Variants in MBP observed in about 807,000 individuals in gnomAD.
The protein encoded by MBP is Golli-MBP.
A neutral mutation model predicts 35.8 loss-of-function variants in MBP; 16 were observed. The observed-to-expected ratio is 0.45, with a 90% confidence interval of 0.30 to 0.68. The LOEUF (loss-of-function observed/expected upper bound fraction) is 0.68, where lower values mean the gene tolerates loss of function less well. Ranked by LOEUF, MBP falls within the 30% of genes least tolerant of loss-of-function variation. The pLI, the probability that MBP is intolerant of heterozygous loss-of-function variation, is 0.08. For synonymous variants in MBP, 143 were observed against 159.6 expected, an observed-to-expected ratio of 0.90 and a Z score of 0.78; for missense variants, 380 against 404.7, an observed-to-expected ratio of 0.94 and a Z score of 0.52.
intron 3 of MBP, 137 bp downstream of exon 3, chr18:77,066,161 C>T: frequency 1.5e-6 from 1 of 659,778 alleles, no homozygotes; most frequent in Non-Finnish European, 2.7e-6. Flanking sequence ...TGATCCCAGC[C>T]TCTATGTTTT....
chr18:77,055,642 C>T (rs1240808198), intron 3 of MBP, among the ~76,000 whole-genome samples: 3 of 151,078 alleles, frequency 2.0e-5, no homozygotes, highest in Admixed American at 6.6e-5. Context: ...CTTTTCACAT[C>T]TGCTGGTGGG....
At chr18:77,028,796 G>T (rs1276071371) in intron 3 of MBP, among the ~76,000 whole-genome samples, 1 of 91,646 alleles carries the variant, frequency 1.1e-5, no homozygotes, top group Non-Finnish European at 2.8e-5. Context: ...TGGGCGGAGG[G>T]ACTCCTGACT....
intron 3 of MBP, among the ~76,000 whole-genome samples, chr18:77,056,319 C>T (rs1973718793): frequency 6.6e-6 from 1 of 152,226 alleles, no homozygotes; most frequent in South Asian, 2.1e-4. Context: ...AAACCTTGAA[C>T]AGGTTTTGTA....
intron 2 of MBP, among the ~76,000 whole-genome samples, chr18:77,095,907 CA>C (rs1286552558): frequency 2.0e-5 from 3 of 152,222 alleles, no homozygotes; most frequent in African/African-American, 7.2e-5. Flanking sequence ...TCAGCAAAAA[CA>C]AAGTTTACGC....
At chr18:77,097,632 G>A (rs911970865) in intron 2 of MBP, among the ~76,000 whole-genome samples, 7 of 152,178 alleles carry the variant, frequency 4.6e-5, no homozygotes, top group South Asian at 2.1e-4. Flanking sequence ...CTCACCCAGC[G>A]GGCATCCTCT....
chr18:77,028,579 G>A (rs1444966295), intron 3 of MBP, among the ~76,000 whole-genome samples: 2 of 85,850 alleles, frequency 2.3e-5, no homozygotes, highest in Non-Finnish European at 6.1e-5. Context: ...GGGCAGAGGC[G>A]CCCCTCACCT....
At chr18:77,051,454 G>A (rs949682360) in intron 3 of MBP, among the ~76,000 whole-genome samples, 1 of 152,190 alleles carries the variant, frequency 6.6e-6, no homozygotes, top group Admixed American at 6.5e-5. Context: ...AGGAGAGACT[G>A]CCCGACAGAG....
At chr18:77,111,769 T>A (rs888552993) in intron 1 of MBP, among the ~76,000 whole-genome samples, 3 of 152,060 alleles carry the variant, frequency 2.0e-5, no homozygotes, top group Admixed American at 6.5e-5. Flanking sequence ...AAACAGCCCC[T>A]CACCCCTAGA....
intron 1 of MBP, among the ~76,000 whole-genome samples, chr18:77,105,586 T>C (rs1310629323): frequency 6.6e-6 from 1 of 152,212 alleles, no homozygotes; most frequent in African/African-American, 2.4e-5. Context: ...GAAATATCTA[T>C]CTATTCATCC....
chr18:77,007,030 T>C (rs909738399), intron 4 of MBP, among the ~76,000 whole-genome samples: 10 of 152,196 alleles, frequency 6.6e-5, no homozygotes, highest in Non-Finnish European at 1.5e-4. Context: ...AGGGAGTTCT[T>C]GGTTCCGACT....
At chr18:76,983,396 G>C (rs9964017) in intron 8 of MBP, 7,960 of 152,392 alleles carry the variant, frequency 0.052, 678 homozygotes, top group African/African-American at 0.18. Flanking sequence ...GGCAGGTGAC[G>C]TGCTGGCCAG....
intron 3 of MBP, among the ~76,000 whole-genome samples, chr18:77,053,946 G>A (rs927641937): frequency 2.6e-5 from 4 of 152,246 alleles, no homozygotes; most frequent in Non-Finnish European, 5.9e-5. Context: ...TGACAGAGGT[G>A]ACTGTACTGC....
chr18:77,085,753 C>G (rs540837208), intron 2 of MBP, among the ~76,000 whole-genome samples: 1 of 139,474 alleles, frequency 7.2e-6, no homozygotes, highest in Non-Finnish European at 1.5e-5. Flanking sequence ...GGCGCAATTT[C>G]GGCTCACCGC....
rs907050937 is a variant in MBP, at chr18:77,131,846, G to A, written c.-26+734C>T. Among the ~76,000 whole-genome samples the A allele has an allele frequency of 1.3e-5, 2 of 152,020 alleles. No individual in the cohort carries two copies. The highest frequency in any genetic ancestry group is 2.4e-5 in the African/African-American group (1 of 41,432). On this transcript the variant is annotated intron_variant, in intron 1 of 8. Transcript: ENST00000355994. This position sits in a 1 kb window ranked among gnomAD's most constrained non-coding sequence, Gnocchi z 5.5. ...GCCGGGAAGACCCGGGCGGGCCGGC[G>A]GGCGGCTGCGGGCGGCGCACGTGGG...
chr18:76,983,772 G>C (rs1232013257), intron 8 of MBP: 1 of 152,304 alleles, frequency 6.6e-6, no homozygotes, highest in African/African-American at 2.4e-5. Flanking sequence ...CAGAGGTTCT[G>C]CACTCACCAA....
intron 3 of MBP, among the ~76,000 whole-genome samples, chr18:77,053,331 C>T (rs781644441): frequency 9.2e-5 from 14 of 152,270 alleles, no homozygotes; most frequent in Admixed American, 1.3e-4. Flanking sequence ...CATTTGCACA[C>T]TCAGCTGGGT....
At chr18:77,082,141 T>C (rs2406710) in intron 2 of MBP, among the ~76,000 whole-genome samples, 139,651 of 151,952 alleles carry the variant, frequency 0.92, 64,820 homozygotes, top group South Asian at 0.99. Context: ...CGTGAGCCAC[T>C]GCGCCCGGCC....
At chr18:77,086,766 T>C (rs1302315345) in intron 2 of MBP, among the ~76,000 whole-genome samples, 2 of 151,960 alleles carry the variant, frequency 1.3e-5, no homozygotes, top group East Asian at 1.9e-4. Context: ...TGTTGAGGAG[T>C]TGGCAAAAAA....
chr18:77,073,100 G>T (rs1974516357), intron 2 of MBP, among the ~76,000 whole-genome samples: 1 of 152,182 alleles, frequency 6.6e-6, no homozygotes, highest in Non-Finnish European at 1.5e-5. Context: ...TCAGGATCCA[G>T]CATCTGTTCA....
Sources: allele counts gnomAD v4.1 joint callset (sites outside exome capture counted in the v4.1 genomes callset), GRCh38; gene constraint gnomAD v4.1.1; non-coding constraint Gnocchi (gnomAD v3.1); transcripts MANE v1.5; gene names NCBI Gene and HGNC (gene_info 2026-07-23, HGNC 2026-07-21).